MYO16: variants seen among roughly 807,000 people sequenced by gnomAD.
MYO16 encodes the protein myosin XVI, also known as unconventional myosin-XVI.
In MYO16, 94 loss-of-function variants were observed where a neutral mutation model predicts 205.3. The observed-to-expected ratio is 0.46, with a 90% CI of 0.39 to 0.54. The LOEUF is 0.54. MYO16 is among the 20% of genes least tolerant of loss of function. The probability of loss-of-function intolerance (pLI) is 0.00; values close to 1 mark genes in which losing one functional copy is unlikely to be tolerated. For missense variants in MYO16, 2,315 were observed against 2,387.5 expected (o/e 0.97, Z 0.63); for synonymous variants, 988 against 954.0 (o/e 1.04, Z -0.66).
intron 9 of MYO16, among the ~76,000 whole-genome samples, chr13:108,841,992 A>T (rs1409131335): frequency 6.6e-6 from 1 of 152,194 alleles, no homozygotes; most frequent in African/African-American, 2.4e-5. Flanking sequence ...TTACTTTAAT[A>T]ATTGGTACTA....
chr13:108,582,262 A>G, the MYO16 span, among the ~76,000 whole-genome samples: 1 of 152,078 alleles, frequency 6.6e-6, no homozygotes. Context: ...ATTGAGCTGG[A>G]TGTTGAAACA....
At chr13:108,594,620 A>G (rs891758063), upstream of MYO16, among the ~76,000 whole-genome samples, 1 of 152,180 alleles carries the variant, frequency 6.6e-6, no homozygotes, top group African/African-American at 2.4e-5. Context: ...GAATTCCTCA[A>G]TTCCCCTGAT....
intron 2 of MYO16, among the ~76,000 whole-genome samples, chr13:108,687,078 C>A (rs1268702219): frequency 6.6e-6 from 1 of 152,190 alleles, no homozygotes; most frequent in African/African-American, 2.4e-5. Context: ...AGCTATATAA[C>A]TTTGCATTGT....
intron 4 of MYO16, among the ~76,000 whole-genome samples, chr13:108,749,025 T>A (rs1885147177): frequency 6.6e-6 from 1 of 152,120 alleles, no homozygotes; most frequent in African/African-American, 2.4e-5. Context: ...CTTTTTTCAG[T>A]TTGGCAGGGT....
chr13:108,942,387 A>G (rs371878628), intron 16 of MYO16, among the ~76,000 whole-genome samples: 9 of 152,180 alleles, frequency 5.9e-5, no homozygotes, highest in Admixed American at 1.3e-4. Flanking sequence ...TGTGCTGATG[A>G]GAGTAAGTGC....
chr13:108,700,725 A>G (rs1332568032), intron 2 of MYO16, among the ~76,000 whole-genome samples: 23 of 152,202 alleles, frequency 1.5e-4, no homozygotes, highest in Non-Finnish European at 2.9e-5. Context: ...TATTGCAACA[A>G]TTGGTACAAA....
intron 17 of MYO16, among the ~76,000 whole-genome samples, chr13:108,958,214 TA>T (rs1883454066): frequency 1.4e-5 from 2 of 147,636 alleles, no homozygotes; most frequent in Non-Finnish European, 3.0e-5. Flanking sequence ...ATTATATTTA[TA>T]AAATATAATT....
chr13:108,546,405 C>A, the MYO16 span, among the ~76,000 whole-genome samples: 432 of 152,262 alleles, frequency 2.8e-3, 5 homozygotes, highest in African/African-American at 9.9e-3. Context: ...CCTGAAGGTG[C>A]ATGTTGGCAG....
the MYO16 span, among the ~76,000 whole-genome samples, chr13:108,548,478 A>T: frequency 6.6e-6 from 1 of 151,084 alleles, no homozygotes; most frequent in East Asian, 2.0e-4. Flanking sequence ...GAAGACGATG[A>T]TGATGCTGGT....
chr13:109,048,878 T>A (rs1388866266), intron 24 of MYO16: 1 of 71,236 alleles, frequency 1.4e-5, no homozygotes, highest in Non-Finnish European at 2.8e-5. Flanking sequence ...TCAGGGAGCT[T>A]GGAGACAGCT....
chr13:108,686,218 C>T (rs1384799873), intron 2 of MYO16, among the ~76,000 whole-genome samples: 2 of 152,098 alleles, frequency 1.3e-5, no homozygotes, highest in Non-Finnish European at 2.9e-5. Context: ...CATACTCAGT[C>T]GAGTGGGCTG....
chr13:108,962,136 A>C (rs1415777887), intron 18 of MYO16, among the ~76,000 whole-genome samples: 1 of 152,214 alleles, frequency 6.6e-6, no homozygotes, highest in Non-Finnish European at 1.5e-5. Context: ...TATCAAAGAG[A>C]TTTAACCAGG....
At chr13:108,641,626 C>CAT (rs148438934) in intron 1 of MYO16, among the ~76,000 whole-genome samples, 83 of 152,264 alleles carry the variant, frequency 5.5e-4, no homozygotes, top group African/African-American at 1.9e-3. Flanking sequence ...ATGTCTAGTT[C>CAT]ATTATTCTCT....
the MYO16 span, among the ~76,000 whole-genome samples, chr13:108,553,645 C>A: frequency 6.6e-6 from 1 of 152,204 alleles, no homozygotes; most frequent in African/African-American, 2.4e-5. Flanking sequence ...TGAGTTATTC[C>A]CACGGTTGGA....
At position 108,822,591 on chromosome 13, in the gene MYO16, A is replaced by G. The variant is rs539672790; in HGVS notation, c.944-534A>G. On this transcript the variant is annotated intron_variant, in intron 8 of 34. Transcript: ENST00000457511. ...ACTGTTATGTGTAATTTGTAAGGAA[A>G]TATATTTATTTATATTTGCAATTGA... 9.1e-4 allele frequency among the ~76,000 whole-genome samples: 139 copies of G among 152,286 alleles called. 1 individual carries two copies. Among genetic ancestry groups the G allele is most frequent in the African/African-American group, 3.2e-3 (134 of 41,558 alleles).
rs146572623 is a variant in MYO16, at chr13:109,123,090, T to C, written c.3536-2022T>C. Among the ~76,000 whole-genome samples, 830 of 152,344 alleles carry C rather than the reference T, an allele frequency of 5.4e-3. 12 individuals carry two copies. Among genetic ancestry groups the C allele is most frequent in the African/African-American group, 0.019 (780 of 41,590 alleles). On this transcript the variant is annotated intron_variant, in intron 29 of 34. Transcript: ENST00000457511. ...AATATCTGTAAATTAAGACCTTACA[T>C]GGGCGGTATCTTAGAAGCAGTCTTC...
At chr13:108,886,508 AGAGG>A (rs780312024) in intron 13 of MYO16, 2 of 456,090 alleles carry the variant, frequency 4.4e-6, no homozygotes, top group South Asian at 3.1e-5. Flanking sequence ...CTCTCAGCAG[AGAGG>A]GGTCCTGAAG....
At position 109,140,551 on chromosome 13, in the gene MYO16, C is replaced by T; in HGVS notation, c.4339C>T (p.Pro1447Ser). The part of the protein sequence containing the change: ...MLGHAARPDS[P>S]DPGESVYEEM... ...GGGGCACGCGGCCAGGCCCGATAGC[C>T]CGGACCCCGGGGAGTCCGTGTACGA... is the stretch of plus-strand genomic sequence containing the variant. Residue 1447 changes from proline (P) to serine (S), a missense_variant, in exon 32 of 35, where the codon CCG becomes TCG. By Grantham distance (74) the Pro-to-Ser change is moderately conservative. Coordinates refer to ENST00000457511, the MANE Select transcript of MYO16 (RefSeq NM_001198950.3). The surrounding 1 kb of genome is among the most constrained non-coding windows in gnomAD (Gnocchi z 8.0). 1 of 1,544,056 alleles carries T rather than the reference C, an allele frequency of 6.5e-7. No individual in the cohort carries two copies. Among genetic ancestry groups the T allele is most frequent in the Non-Finnish European group, 8.7e-7 (1 of 1,152,476 alleles).
the MYO16 span, among the ~76,000 whole-genome samples, chr13:108,556,289 T>A: frequency 2.0e-5 from 3 of 150,960 alleles, no homozygotes; most frequent in Admixed American, 6.5e-5. Flanking sequence ...TTTCTCCACA[T>A]CCTTGCAACA....
Sources: allele counts gnomAD v4.1 joint callset (sites outside exome capture counted in the v4.1 genomes callset), GRCh38; gene constraint gnomAD v4.1.1; non-coding constraint Gnocchi (gnomAD v3.1); transcripts MANE v1.5; gene names NCBI Gene and HGNC (gene_info 2026-07-23, HGNC 2026-07-21).